The following SPATA6 variants were observed in gnomAD, a reference collection of about 807,000 sequenced individuals.
The protein encoded by SPATA6 is spermatogenesis-associated protein 6.
SPATA6 carries 56 observed loss-of-function variants against 65.3 expected under a neutral mutation model. The observed-to-expected ratio is 0.86, with a 90% CI of 0.69 to 1.07. The LOEUF is 1.07. Ranked by LOEUF, SPATA6 falls within the 50% of genes least tolerant of loss-of-function variation. The probability of loss-of-function intolerance (pLI) is 0.00; values close to 1 mark genes in which losing one functional copy is unlikely to be tolerated. For synonymous variants in SPATA6, 199 were observed against 213.2 expected (o/e 0.93, Z 0.58); for missense variants, 590 against 594.8 (o/e 0.99, Z 0.08).
At chr1:48,399,985 T>C (rs1308028366) in intron 6 of SPATA6, among the ~76,000 whole-genome samples, 1 of 151,912 alleles carries the variant, frequency 6.6e-6, no homozygotes, top group African/African-American at 2.4e-5. Context: ...ATTGGTTACA[T>C]ATATATTTAA....
intron 1 of SPATA6, among the ~76,000 whole-genome samples, chr1:48,455,934 A>C (rs1339060235): frequency 6.6e-6 from 1 of 152,222 alleles, no homozygotes; most frequent in Non-Finnish European, 1.5e-5. Flanking sequence ...GGAGGTTAAA[A>C]GAAATCAGAT....
chr1:48,309,554 T>C (rs1381066207), intron 11 of SPATA6, among the ~76,000 whole-genome samples: 2 of 152,178 alleles, frequency 1.3e-5, no homozygotes, highest in Non-Finnish European at 2.9e-5. Flanking sequence ...CTTTATTTCT[T>C]TATAAATGCT....
At chr1:48,346,325 C>T (rs1011859015) in intron 11 of SPATA6, among the ~76,000 whole-genome samples, 1 of 152,056 alleles carries the variant, frequency 6.6e-6, no homozygotes, top group Admixed American at 6.6e-5. Flanking sequence ...AGGAACATAA[C>T]TCAAAATAAT....
At chr1:48,421,401 C>T (rs1653322879) in intron 3 of SPATA6, among the ~76,000 whole-genome samples, 1 of 151,528 alleles carries the variant, frequency 6.6e-6, no homozygotes, top group South Asian at 2.1e-4. Flanking sequence ...AGAACAAATC[C>T]TTTTAAGTAG....
intron 11 of SPATA6, among the ~76,000 whole-genome samples, chr1:48,312,129 AC>A (rs1557541414): frequency 6.6e-6 from 1 of 152,108 alleles, no homozygotes; most frequent in Non-Finnish European, 1.5e-5. Flanking sequence ...TGTAGACTCC[AC>A]CTCTGGGGGC....
At chr1:48,337,608 G>C (rs1312809615) in intron 11 of SPATA6, among the ~76,000 whole-genome samples, 1 of 151,726 alleles carries the variant, frequency 6.6e-6, no homozygotes, top group African/African-American at 2.4e-5. Context: ...TTATACATTA[G>C]AACACTCAAA....
chr1:48,288,310 G>A, the SPATA6 span, among the ~76,000 whole-genome samples: 1 of 152,192 alleles, frequency 6.6e-6, no homozygotes, highest in Non-Finnish European at 1.5e-5. Flanking sequence ...CTCATAAAGT[G>A]AGTTTGGGAG....
At chr1:48,329,365 C>T (rs1351596151) in intron 11 of SPATA6, among the ~76,000 whole-genome samples, 3 of 151,894 alleles carry the variant, frequency 2.0e-5, no homozygotes, top group Admixed American at 1.3e-4. Context: ...CTTTAAAGGA[C>T]TAGAAGAAAA....
At chr1:48,471,907 A>C (rs1390616980) in intron 1 of SPATA6, 51 bp downstream of exon 1, 3 of 1,598,300 alleles carry the variant, frequency 1.9e-6, no homozygotes, top group Non-Finnish European at 2.6e-6. Flanking sequence ...GAGGTGACTG[A>C]GGGAGTCCCT....
intron 9 of SPATA6, among the ~76,000 whole-genome samples, chr1:48,363,253 T>C (rs1347938374): frequency 6.6e-6 from 1 of 152,166 alleles, no homozygotes; most frequent in Non-Finnish European, 1.5e-5. Flanking sequence ...GCTTAAAAAA[T>C]GTTTCCATAG....
At chr1:48,273,698 T>G in the SPATA6 span, among the ~76,000 whole-genome samples, 2 of 152,234 alleles carry the variant, frequency 1.3e-5, no homozygotes, top group Non-Finnish European at 2.9e-5. Context: ...CTGCAGAGTA[T>G]TCCATGGTGT....
At chr1:48,264,924 A>G in the SPATA6 span, among the ~76,000 whole-genome samples, 2 of 152,320 alleles carry the variant, frequency 1.3e-5, no homozygotes, top group East Asian at 1.9e-4. Flanking sequence ...CTAGTTCTAG[A>G]TCCTTGAGAA....
chr1:48,285,967 T>C, the SPATA6 span, among the ~76,000 whole-genome samples: 17 of 152,196 alleles, frequency 1.1e-4, no homozygotes, highest in Non-Finnish European at 2.2e-4. Flanking sequence ...CGTTGTTGAA[T>C]ATTAGTTGAC....
the SPATA6 span, among the ~76,000 whole-genome samples, chr1:48,290,256 A>T: frequency 6.6e-6 from 1 of 152,234 alleles, no homozygotes; most frequent in African/African-American, 2.4e-5. Flanking sequence ...ACTAAGCCTC[A>T]TAAGTGAAGG....
intron 11 of SPATA6, among the ~76,000 whole-genome samples, chr1:48,315,124 C>T (rs1200589577): frequency 6.6e-6 from 1 of 152,174 alleles, no homozygotes; most frequent in African/African-American, 2.4e-5. Flanking sequence ...CAAGGAGGAG[C>T]TGGTACCATT....
At chr1:48,418,788 G>GGAAA (rs1653042158) in intron 3 of SPATA6, among the ~76,000 whole-genome samples, 1 of 121,600 alleles carries the variant, frequency 8.2e-6, no homozygotes, top group African/African-American at 2.6e-5. Flanking sequence ...AAGGAAGAAG[G>GGAAA]GAAGGAAGGA....
intron 9 of SPATA6, 34 bp downstream of exon 9, chr1:48,385,275 G>A: frequency 1.3e-6 from 2 of 1,569,296 alleles, no homozygotes; most frequent in Non-Finnish European, 1.7e-6. Flanking sequence ...CTGAAAGCCA[G>A]AACAATTATT....
At chr1:48,327,328 C>T (rs1056162667) in intron 11 of SPATA6, among the ~76,000 whole-genome samples, 6 of 151,862 alleles carry the variant, frequency 4.0e-5, no homozygotes, top group Admixed American at 2.0e-4. Context: ...ATGGCTACTA[C>T]GAAAAAGTCA....
At chr1:48,374,887 C>G (rs1647706731) in intron 9 of SPATA6, among the ~76,000 whole-genome samples, 1 of 152,158 alleles carries the variant, frequency 6.6e-6, no homozygotes, top group East Asian at 1.9e-4. Flanking sequence ...AGCCATTAAC[C>G]TGCCTCTTTC....
Sources: gnomAD v4.1 joint callset for allele counts (sites outside exome capture counted in the v4.1 genomes callset) on GRCh38, gnomAD v4.1.1 for gene constraint, MANE v1.5 for transcripts, NCBI Gene and HGNC (gene_info 2026-07-23, HGNC 2026-07-21) for gene names.